Variants in MEGF11 observed in about 807,000 individuals in gnomAD.
MEGF11 encodes the protein multiple epidermal growth factor-like domains protein 11.
MEGF11 carries 126 observed loss-of-function variants against 146.6 expected under a neutral mutation model. That is an observed-to-expected ratio of 0.86 (90% CI 0.74 to 1.00). The LOEUF is 1.00. Ranked by LOEUF, MEGF11 falls within the 50% of genes least tolerant of loss-of-function variation. The pLI, the probability that MEGF11 is intolerant of heterozygous loss-of-function variation, is 0.00. For missense variants in MEGF11, 1,509 were observed against 1,521.2 expected (o/e 0.99, Z 0.13); for synonymous variants, 532 against 583.4 (o/e 0.91, Z 1.27).
intron 5 of MEGF11, among the ~76,000 whole-genome samples, chr15:65,998,522 C>T (rs1311289485): frequency 6.6e-6 from 1 of 152,148 alleles, no homozygotes; most frequent in Non-Finnish European, 1.5e-5. Context: ...GCGGAGGCCT[C>T]ACTAAATATA....
At chr15:66,060,632 A>C (rs1273830768) in intron 5 of MEGF11, among the ~76,000 whole-genome samples, 3 of 152,098 alleles carry the variant, frequency 2.0e-5, no homozygotes, top group Non-Finnish European at 2.9e-5. Context: ...CCCCCAAGGC[A>C]CTTGGCCCCC....
In MEGF11 at chr15:65,913,758, T is replaced by C. The variant is rs2078894078; in HGVS notation, c.2689A>G (p.Ser897Gly). The change falls in exon 20 of 26, where the codon AGC becomes GGC. Residue 897 changes from serine to glycine, a missense_variant. Ser to Gly is a moderately conservative substitution (Grantham distance 56). Coordinates refer to ENST00000395614, the MANE Select transcript of MEGF11 (RefSeq NM_001385028.1). ...TTACCTGAGAGGGAGTAGTCGGTGC[T>C]GGTCATCCTCATGGCAGGTGTGTAG... ...VSYTPAMRMT[S>G]TDYSLSDLSQ... The C allele has an allele frequency of 1.2e-6, 2 of 1,613,072 alleles. No individual in the cohort carries two copies. The highest frequency in any genetic ancestry group is 2.7e-5 in the African/African-American group (2 of 74,890).
At chr15:65,955,793 T>C (rs371435832) in intron 10 of MEGF11, among the ~76,000 whole-genome samples, 540 of 6,710 alleles carry the variant, frequency 0.08, 82 homozygotes, top group Middle Eastern at 0.12. Flanking sequence ...TATATATATA[T>C]ACACACACAC....
intron 5 of MEGF11, among the ~76,000 whole-genome samples, chr15:66,082,015 C>G (rs1436487353): frequency 6.6e-6 from 1 of 152,132 alleles, no homozygotes; most frequent in African/African-American, 2.4e-5. Flanking sequence ...TCAGCCAGAA[C>G]CTTGGTCTTG....
At chr15:66,055,271 G>A (rs1426792912) in intron 5 of MEGF11, among the ~76,000 whole-genome samples, 1 of 152,210 alleles carries the variant, frequency 6.6e-6, no homozygotes, top group African/African-American at 2.4e-5. Flanking sequence ...TGGCACTAAG[G>A]ATTCAGTAAA....
intron 1 of MEGF11, among the ~76,000 whole-genome samples, chr15:66,206,270 C>T (rs2091296954): frequency 2.0e-5 from 3 of 151,948 alleles, no homozygotes; most frequent in Non-Finnish European, 2.9e-5. Flanking sequence ...AATGCAGCTT[C>T]GGGGGCTTAT....
chr15:65,946,933 C>G (rs1468235539), intron 10 of MEGF11, among the ~76,000 whole-genome samples: 2 of 152,200 alleles, frequency 1.3e-5, no homozygotes, highest in African/African-American at 4.8e-5. Flanking sequence ...GAGCCCCTGA[C>G]TGGCTTCCCT....
chr15:66,107,340 G>A (rs1006811724), intron 4 of MEGF11, among the ~76,000 whole-genome samples: 3 of 152,230 alleles, frequency 2.0e-5, no homozygotes, highest in South Asian at 4.1e-4. Flanking sequence ...TCACTGAAGA[G>A]CAAGCATTAG....
At chr15:66,079,542 C>CCA (rs954106494) in intron 5 of MEGF11, among the ~76,000 whole-genome samples, 2 of 145,076 alleles carry the variant, frequency 1.4e-5, no homozygotes, top group South Asian at 2.3e-4. Context: ...TTCACACCCC[C>CCA]CCCCCCAGCA....
chr15:66,225,387 G>A (rs954493708), intron 1 of MEGF11, among the ~76,000 whole-genome samples: 2 of 152,250 alleles, frequency 1.3e-5, no homozygotes, highest in Non-Finnish European at 2.9e-5. Context: ...AATGGCTGAG[G>A]ATGCTGTTCT....
chr15:65,986,054 C>T (rs1313132562), intron 5 of MEGF11, among the ~76,000 whole-genome samples: 2 of 151,558 alleles, frequency 1.3e-5, no homozygotes, highest in South Asian at 2.1e-4. Flanking sequence ...CGGGTTCAAG[C>T]GATTCTCCTG....
chr15:65,956,587 C>T (rs974607234), intron 10 of MEGF11, among the ~76,000 whole-genome samples: 1 of 152,190 alleles, frequency 6.6e-6, no homozygotes, highest in Non-Finnish European at 1.5e-5. Flanking sequence ...ACAATTGTAC[C>T]ACTTCCTACA....
At chr15:66,044,902 G>A (rs1471023554) in intron 5 of MEGF11, among the ~76,000 whole-genome samples, 1 of 147,022 alleles carries the variant, frequency 6.8e-6, no homozygotes, top group Non-Finnish European at 1.5e-5. Flanking sequence ...GGAATGTGAG[G>A]AGAATGGAGA....
At chr15:65,919,863 C>T (rs2079119715) in intron 15 of MEGF11, among the ~76,000 whole-genome samples, 1 of 152,180 alleles carries the variant, frequency 6.6e-6, no homozygotes, top group African/African-American at 2.4e-5. Context: ...CAAGCCTTGG[C>T]CTCCCAAAGT....
intron 4 of MEGF11, among the ~76,000 whole-genome samples, chr15:66,117,335 C>T (rs16949514): frequency 0.012 from 1,819 of 152,152 alleles, 26 homozygotes; most frequent in African/African-American, 0.036. Flanking sequence ...GCTTGATTTC[C>T]TGGTGGACCG....
intron 13 of MEGF11, among the ~76,000 whole-genome samples, chr15:65,925,523 T>G (rs1005852741): frequency 6.6e-6 from 1 of 152,186 alleles, no homozygotes; most frequent in African/African-American, 2.4e-5. Flanking sequence ...CTTACTGATA[T>G]GATCAAAGGG....
chr15:65,997,083 G>C (rs896355494), intron 5 of MEGF11, among the ~76,000 whole-genome samples: 4 of 152,230 alleles, frequency 2.6e-5, no homozygotes, highest in Admixed American at 2.0e-4. Flanking sequence ...TTTGTCCCCA[G>C]GCAGGGGAGG....
At chr15:66,045,693 T>C (rs941254079) in intron 5 of MEGF11, among the ~76,000 whole-genome samples, 1 of 152,166 alleles carries the variant, frequency 6.6e-6, no homozygotes, top group East Asian at 1.9e-4. Flanking sequence ...CTCTAACAAC[T>C]GCAGTGCTTT....
intron 5 of MEGF11, among the ~76,000 whole-genome samples, chr15:66,093,262 A>G (rs989636227): frequency 6.6e-6 from 1 of 152,262 alleles, no homozygotes; most frequent in Non-Finnish European, 1.5e-5. Context: ...CATGCACTGC[A>G]TAGACAGAGA....
Sources: gnomAD v4.1 joint callset for allele counts (sites outside exome capture counted in the v4.1 genomes callset) on GRCh38, gnomAD v4.1.1 for gene constraint, MANE v1.5 for transcripts, NCBI Gene and HGNC (gene_info 2026-07-23, HGNC 2026-07-21) for gene names.